Variants in VWC2L observed in about 807,000 individuals in gnomAD.
VWC2L encodes the protein von Willebrand factor C domain containing 2 like, also known as von Willebrand factor C domain-containing protein 2-like.
Under a neutral mutation model 21.6 loss-of-function variants are expected in VWC2L, and 10 were observed. That is an observed-to-expected ratio of 0.46 (90% CI 0.29 to 0.78). VWC2L has a LOEUF of 0.78. Ranked by LOEUF, VWC2L falls within the 30% of genes least tolerant of loss-of-function variation. The pLI is 0.10. For missense variants in VWC2L, 209 were observed against 277.1 expected (o/e 0.75, Z 1.74); for synonymous variants, 96 against 94.3 (o/e 1.02, Z -0.10).
At chr2:214,561,638 G>C (rs977088374) in intron 3 of VWC2L, among the ~76,000 whole-genome samples, 5 of 151,516 alleles carry the variant, frequency 3.3e-5, no homozygotes, top group African/African-American at 1.2e-4. Flanking sequence ...AGCCAGGTGT[G>C]GTGGCATATG....
At chr2:214,515,945 T>C (rs945733142) in intron 3 of VWC2L, among the ~76,000 whole-genome samples, 5 of 152,196 alleles carry the variant, frequency 3.3e-5, no homozygotes, top group Non-Finnish European at 5.9e-5. Flanking sequence ...CAACATTCTT[T>C]CTACCTCTTT....
intron 3 of VWC2L, among the ~76,000 whole-genome samples, chr2:214,547,021 T>C (rs778797159): frequency 6.6e-6 from 1 of 152,160 alleles, no homozygotes; most frequent in Non-Finnish European, 1.5e-5. Context: ...TGTTCACAAA[T>C]GCCTGATTCT....
chr2:214,495,291 T>G (rs924314302), intron 3 of VWC2L, among the ~76,000 whole-genome samples: 1 of 152,118 alleles, frequency 6.6e-6, no homozygotes, highest in African/African-American at 2.4e-5. Context: ...TCATCTACCA[T>G]TTTTTGTTGC....
In VWC2L at chr2:214,458,343, A is replaced by C. The variant is rs564736702; in HGVS notation, c.520+21585A>C. Among the ~76,000 whole-genome samples the C allele has an allele frequency of 3.9e-5, 6 of 152,076 alleles. No homozygotes were observed. The East Asian group carries it at 1.2e-3, about 29-fold the overall frequency. On this transcript the variant is annotated intron_variant, in intron 3 of 3. Coordinates refer to ENST00000312504, the MANE Select transcript of VWC2L (RefSeq NM_001080500.4). ...TTTTTTCATGGTTAGTCTACTTAAC[A>C]GTTTATCAATTTTGTTTATCTTTTC...
At chr2:214,447,172 C>T (rs1239785090) in intron 3 of VWC2L, among the ~76,000 whole-genome samples, 1 of 152,040 alleles carries the variant, frequency 6.6e-6, no homozygotes, top group African/African-American at 2.4e-5. Flanking sequence ...TGAAGGCATT[C>T]GCTGTTGCCA....
Position 214,575,696 on chromosome 2 carries a change from C to T in VWC2L, c.545C>T (p.Thr182Met), listed in dbSNP as rs754827622. The change falls in exon 4 of 4, where the codon ACG (threonine) becomes ATG (methionine). Residue 182 changes from threonine (T) to methionine (M), a missense_variant. Transcript: ENST00000312504. ...KNGPNCFAGT[T>M]IIPAGIEVKV... ...GGTCCAAACTGCTTTGCAGGAACGACGATAATTCCAGCTGGCATTGAAGTG... is the reference window on the plus strand; with the variant it reads ...GGTCCAAACTGCTTTGCAGGAACGATGATAATTCCAGCTGGCATTGAAGTG... 8.1e-6 allele frequency: 13 copies of T among 1,613,190 alleles called. No homozygotes were observed. The highest frequency in any genetic ancestry group is 6.7e-5 in the East Asian group (3 of 44,874).
chr2:214,440,816 G>A (rs977179672), intron 3 of VWC2L, among the ~76,000 whole-genome samples: 1 of 152,052 alleles, frequency 6.6e-6, no homozygotes, highest in Non-Finnish European at 1.5e-5. Context: ...AATAAAATAT[G>A]TAGTCAGTTA....
At chr2:214,449,841 G>C (rs1203333918) in intron 3 of VWC2L, among the ~76,000 whole-genome samples, 3 of 152,138 alleles carry the variant, frequency 2.0e-5, no homozygotes, top group African/African-American at 7.2e-5. Context: ...TGTTTGTCAG[G>C]GTGGATAACT....
At chr2:214,491,611 G>A (rs1688746531) in intron 3 of VWC2L, among the ~76,000 whole-genome samples, 1 of 152,188 alleles carries the variant, frequency 6.6e-6, no homozygotes, top group Non-Finnish European at 1.5e-5. Flanking sequence ...GGAGCAAGGT[G>A]AAGTAACTTC....
chr2:214,565,640 T>A (rs747643502), intron 3 of VWC2L, among the ~76,000 whole-genome samples: 3 of 152,330 alleles, frequency 2.0e-5, no homozygotes, highest in Middle Eastern at 3.4e-3. Flanking sequence ...GACATTTTTT[T>A]AATAAACATT....
At position 214,497,445 on chromosome 2, in the gene VWC2L, C is replaced by T. The variant is rs149186809; in HGVS notation, c.520+60687C>T. 6.6e-4 allele frequency among the ~76,000 whole-genome samples: 100 copies of T among 152,308 alleles called. 1 individual carries two copies. Among genetic ancestry groups the T allele is most frequent in the African/African-American group, 2.3e-3 (94 of 41,576 alleles). On this transcript the variant is annotated intron_variant, in intron 3 of 3. Transcript: ENST00000312504. Reference sequence around the variant, plus strand: ...CTTAACTCCACCCAATTTTCGCAACCTCATCTTTGAGCCATGATCCTTCTT... The same window carrying T: ...CTTAACTCCACCCAATTTTCGCAACTTCATCTTTGAGCCATGATCCTTCTT...
At chr2:214,490,652 G>A (rs1003060079) in intron 3 of VWC2L, among the ~76,000 whole-genome samples, 6 of 152,096 alleles carry the variant, frequency 3.9e-5, no homozygotes, top group African/African-American at 1.4e-4. Flanking sequence ...GGCCCCAGCT[G>A]AAACCCTTGA....
chr2:214,446,869 A>AT (rs1039255799), intron 3 of VWC2L, among the ~76,000 whole-genome samples: 2 of 152,026 alleles, frequency 1.3e-5, no homozygotes. Flanking sequence ...TACATATGGA[A>AT]TTTTTTTTCA....
Position 214,494,705 on chromosome 2 carries a change from C to A in VWC2L, c.520+57947C>A, listed in dbSNP as rs180720907. Reference sequence around the variant, plus strand: ...TCAGAATTAAGCAGGTGTTGCCTACCTCAAGACTTGAATGTACTTAAAATT... The same window carrying A: ...TCAGAATTAAGCAGGTGTTGCCTACATCAAGACTTGAATGTACTTAAAATT... On this transcript the variant is annotated intron_variant, in intron 3 of 3. Transcript: ENST00000312504. Among the ~76,000 whole-genome samples the A allele has an allele frequency of 3.4e-3, 523 of 152,172 alleles. 4 individuals carry two copies. The highest frequency in any genetic ancestry group is 6.8e-3 in the Middle Eastern group (2 of 294).
chr2:214,541,775 TTTTG>T (rs1190100018), intron 3 of VWC2L, among the ~76,000 whole-genome samples: 5 of 152,188 alleles, frequency 3.3e-5, no homozygotes, highest in Admixed American at 6.5e-5. Context: ...ATCACAGAGC[TTTTG>T]TTTATTTCAT....
chr2:214,436,888 G>T lies in VWC2L; in HGVS notation c.520+130G>T, dbSNP rs921975171. ...GCTTTTCAATATGGGCATGGCGGAT[G>T]TATATTTTTATCCCATCTTAAAGTG... On this transcript the variant is annotated intron_variant, in intron 3 of 3. Transcript: ENST00000312504. 3.8e-6 allele frequency: 4 copies of T among 1,065,740 alleles called. No homozygotes were observed. In the East Asian group the frequency reaches 1.0e-4, roughly 27 times the overall value. 66.0% of individuals were successfully genotyped at this position (1,065,740 alleles called of 1,614,324 possible).
At chr2:214,504,633 T>A (rs1688942415) in intron 3 of VWC2L, among the ~76,000 whole-genome samples, 1 of 152,304 alleles carries the variant, frequency 6.6e-6, no homozygotes, top group East Asian at 1.9e-4. Context: ...TAAATAGGAA[T>A]GTCTTCCCTA....
chr2:214,411,520 C>T lies in VWC2L; in HGVS notation c.-347C>T. 1 of 152,170 alleles carries T rather than the reference C, an allele frequency of 6.6e-6. No individual in the cohort carries two copies. Among genetic ancestry groups the T allele is most frequent in the East Asian group, 1.9e-4 (1 of 5,184 alleles). The allele number at this position is 152,170 out of a possible 1,614,324, so 9.4% of individuals were successfully genotyped here. A position where few individuals can be genotyped will look rare whatever the true frequency, so the allele number is the denominator to read the frequency against. ...GGGGTCTGGATTTCTACAGGACCAG[C>T]TTTGCTTCTTGCTTTGAATTCTGAA... On this transcript the variant is annotated 5_prime_UTR_variant, in exon 1 of 4. Transcript: ENST00000312504.
intron 2 of VWC2L, among the ~76,000 whole-genome samples, chr2:214,429,579 CAG>C (rs1419517534): frequency 6.6e-6 from 1 of 152,082 alleles, no homozygotes; most frequent in South Asian, 2.1e-4. Flanking sequence ...TGCAAATAAA[CAG>C]ATATTATTGC....
Sources: allele counts gnomAD v4.1 joint callset (sites outside exome capture counted in the v4.1 genomes callset), GRCh38; gene constraint gnomAD v4.1.1; transcripts MANE v1.5; gene names NCBI Gene and HGNC (gene_info 2026-07-23, HGNC 2026-07-21).